The following TMEM245 variants were observed in gnomAD, a reference collection of about 807,000 sequenced individuals.
The protein encoded by TMEM245 is protein CG-2.
Under a neutral mutation model 101.2 loss-of-function variants are expected in TMEM245, and 69 were observed. That is an observed-to-expected ratio of 0.68 (90% CI 0.56 to 0.83). TMEM245 has a LOEUF of 0.83. TMEM245 is among the 40% of genes least tolerant of loss of function. The pLI is 0.00. For synonymous variants in TMEM245, 537 were observed against 449.8 expected (o/e 1.19, Z -2.45); for missense variants, 1,075 against 1,092.8 (o/e 0.98, Z 0.23).
chr9:109,111,129 T>C (rs1486052476), intron 1 of TMEM245, among the ~76,000 whole-genome samples: 1 of 152,180 alleles, frequency 6.6e-6, no homozygotes, highest in African/African-American at 2.4e-5. Context: ...TTTGTAGCTA[T>C]CTTCAAATAA....
At chr9:109,072,705 A>C (rs1228419880) in intron 9 of TMEM245, among the ~76,000 whole-genome samples, 1 of 152,222 alleles carries the variant, frequency 6.6e-6, no homozygotes, top group African/African-American at 2.4e-5. Context: ...ACAATATGGG[A>C]ATATGTCAAT....
chr9:109,050,156 C>A, intron 14 of TMEM245, 127 bp downstream of exon 14: 1 of 1,108,918 alleles, frequency 9.0e-7, no homozygotes, highest in East Asian at 2.6e-5. Context: ...AGATGAAAAC[C>A]TTGAAAATAC....
intron 1 of TMEM245, among the ~76,000 whole-genome samples, chr9:109,111,053 A>G (rs1469717924): frequency 1.3e-5 from 2 of 152,102 alleles, no homozygotes; most frequent in Admixed American, 1.3e-4. Context: ...ACATGATAAT[A>G]TAAATGTAGC....
At chr9:109,116,489 G>C (rs1830726222) in intron 1 of TMEM245, among the ~76,000 whole-genome samples, 1 of 151,988 alleles carries the variant, frequency 6.6e-6, no homozygotes, top group Non-Finnish European at 1.5e-5. Flanking sequence ...CCAAAGTGCT[G>C]GGGTTACATT....
intron 4 of TMEM245, among the ~76,000 whole-genome samples, chr9:109,093,060 A>T (rs886873160): frequency 6.6e-6 from 1 of 152,230 alleles, no homozygotes; most frequent in Non-Finnish European, 1.5e-5. Flanking sequence ...GCAAAATAAA[A>T]TCATGGAGGA....
intron 8 of TMEM245, among the ~76,000 whole-genome samples, chr9:109,077,657 C>T (rs939468606): frequency 2.0e-5 from 3 of 152,138 alleles, no homozygotes; most frequent in Non-Finnish European, 2.9e-5. Context: ...TAACTCTTAT[C>T]CATATGAAAA....
intron 2 of TMEM245, 127 bp from the exon 3 acceptor site, chr9:109,106,736 CAAAA>C: frequency 2.3e-6 from 1 of 437,506 alleles, no homozygotes. Flanking sequence ...ACTTATCAGG[CAAAA>C]AAAAAAAAAT....
chr9:109,093,428 A>G (rs778366361), intron 4 of TMEM245, 47 bp downstream of exon 4: 2 of 1,516,860 alleles, frequency 1.3e-6, no homozygotes, highest in South Asian at 2.3e-5. Flanking sequence ...TTCTATGTAC[A>G]TTTCATTTTC....
rs1311808846 is a variant in TMEM245 at position 109,071,411 on chromosome 9, C to A, written c.1532+1945G>T. On this transcript the variant is annotated intron_variant, in intron 9 of 17. Coordinates refer to ENST00000374586, the MANE Select transcript of TMEM245 (RefSeq NM_032012.4). ...ATCACTTGAGCCCAGGTGTTCAAGACCAGCCTAGGCAACATGGTGAAACTC... is the reference window on the plus strand; with the variant it reads ...ATCACTTGAGCCCAGGTGTTCAAGAACAGCCTAGGCAACATGGTGAAACTC... 3.3e-5 allele frequency among the ~76,000 whole-genome samples: 5 copies of A among 151,590 alleles called. No individual in the cohort carries two copies. The East Asian group carries it at 9.8e-4, about 30-fold the overall frequency.
intron 2 of TMEM245, among the ~76,000 whole-genome samples, chr9:109,106,943 C>T (rs1321561807): frequency 6.6e-6 from 1 of 152,074 alleles, no homozygotes; most frequent in Non-Finnish European, 1.5e-5. Context: ...CCCAGAATGA[C>T]CAGAATTAGG....
intron 17 of TMEM245, among the ~76,000 whole-genome samples, chr9:109,030,850 A>C (rs1827923958): frequency 6.6e-6 from 1 of 152,262 alleles, no homozygotes; most frequent in African/African-American, 2.4e-5. Flanking sequence ...TCTGAGTTAA[A>C]GGACAATGTC....
rs756182637 is a variant in TMEM245 at position 109,087,267 on chromosome 9, C to A, written c.1226G>T (p.Gly409Val). 3.2e-5 allele frequency: 51 copies of A among 1,613,834 alleles called. No homozygotes were observed. The Admixed American group carries it at 8.3e-4, about 26-fold the overall frequency. Residue 409 changes from glycine to valine, a missense_variant, in exon 6 of 18, where the codon GGC becomes GTC. By Grantham distance (109) the Gly-to-Val change is moderately radical. This residue lies in a region of TMEM245 where 808 missense variants were observed against 741.5 expected (regional missense o/e 1.09). Coordinates refer to ENST00000374586, the MANE Select transcript of TMEM245 (RefSeq NM_032012.4). ...CTCCTTCAGGAAGCTTTCTATAATG[C>A]CCCACCACACATGGTAGCGTTTCTC... ...FLEKRYHVWWGIIESFLKERQ... is the reference protein window; with the variant it reads ...FLEKRYHVWWVIIESFLKERQ...
chr9:109,110,610 C>G (rs924217105), intron 1 of TMEM245, among the ~76,000 whole-genome samples: 1 of 151,884 alleles, frequency 6.6e-6, no homozygotes, highest in Non-Finnish European at 1.5e-5. Context: ...TTCAGAGGTA[C>G]GTCAGTTAGC....
intron 9 of TMEM245, among the ~76,000 whole-genome samples, chr9:109,072,163 A>G (rs1022109416): frequency 3.3e-5 from 5 of 150,808 alleles, no homozygotes; most frequent in African/African-American, 1.0e-4. Context: ...GCCTCTGAGT[A>G]GAAAAGTCTC....
chr9:109,066,938 C>T (rs760562795), intron 9 of TMEM245, among the ~76,000 whole-genome samples: 8 of 151,798 alleles, frequency 5.3e-5, no homozygotes, highest in Non-Finnish European at 1.0e-4. Context: ...CGCCTGTAGT[C>T]CCAGCTACTT....
At chr9:109,101,387 C>A (rs925095086) in intron 3 of TMEM245, among the ~76,000 whole-genome samples, 4 of 152,140 alleles carry the variant, frequency 2.6e-5, no homozygotes, top group African/African-American at 7.2e-5. Flanking sequence ...CATTCCTGTA[C>A]CTACCTATAT....
At chr9:109,033,279 A>G in intron 17 of TMEM245, 28 bp downstream of exon 17, 2 of 1,563,544 alleles carry the variant, frequency 1.3e-6, no homozygotes, top group South Asian at 1.2e-5. Context: ...GTATAAATAC[A>G]GCTTATGATT....
chr9:109,108,454 TA>T lies in TMEM245; in HGVS notation c.695del (p.Leu232Ter). On this transcript the variant is annotated frameshift_variant and splice_region_variant, in exon 2 of 18. Transcript: ENST00000374586. LOFTEE classifies it high-confidence loss of function. ...IPVWIILLFH[L>X]ASLAGSWRIP... ...AAAAAAAAAAAAGAAGGAACCCACC[TA>T]AATGAAAAAGCAATATAATCCAGAC... 1 of 1,248,560 alleles carries T rather than the reference TA, an allele frequency of 8.0e-7. No individual in the cohort carries two copies. Among genetic ancestry groups the T allele is most frequent in the Non-Finnish European group, 1.1e-6 (1 of 896,576 alleles). The allele number at this position is 1,248,560 out of a possible 1,614,324, so 77.3% of individuals were successfully genotyped here.
chr9:109,103,843 T>C (rs1225447404), intron 3 of TMEM245, among the ~76,000 whole-genome samples: 4 of 152,176 alleles, frequency 2.6e-5, no homozygotes, highest in African/African-American at 4.8e-5. Flanking sequence ...CTCAGCACTT[T>C]GGGAGGCCAA....
Sources: allele counts gnomAD v4.1 joint callset (sites outside exome capture counted in the v4.1 genomes callset), GRCh38; gene constraint gnomAD v4.1.1; regional missense constraint gnomAD v4.1.1; transcripts MANE v1.5; gene names NCBI Gene and HGNC (gene_info 2026-07-23, HGNC 2026-07-21).